The following PDK1 variants were observed in gnomAD, a reference collection of about 807,000 sequenced individuals.
The protein encoded by PDK1 is [Pyruvate dehydrogenase (acetyl-transferring)] kinase isozyme 1, mitochondrial.
Under a neutral mutation model 54.2 loss-of-function variants are expected in PDK1, and 39 were observed. That is an observed-to-expected ratio of 0.72 (90% CI 0.56 to 0.94). The LOEUF (loss-of-function observed/expected upper bound fraction) is 0.94, where lower values mean the gene tolerates loss of function less well. Ranked by LOEUF, PDK1 falls within the 40% of genes least tolerant of loss-of-function variation. The pLI, the probability that PDK1 is intolerant of heterozygous loss-of-function variation, is 0.00. For missense variants in PDK1, 552 were observed against 566.0 expected (o/e 0.98, Z 0.25); for synonymous variants, 221 against 207.1 (o/e 1.07, Z -0.58).
the PDK1 span, among the ~76,000 whole-genome samples, chr2:172,705,336 G>A: frequency 6.6e-6 from 1 of 152,180 alleles, no homozygotes; most frequent in African/African-American, 2.4e-5. Flanking sequence ...CTTACAGAAT[G>A]ATTCCTATAG....
the PDK1 span, among the ~76,000 whole-genome samples, chr2:172,628,816 A>G: frequency 8.5e-5 from 13 of 152,244 alleles, no homozygotes; most frequent in African/African-American, 2.4e-4. Flanking sequence ...CATTGCCTCT[A>G]AATCTCTACT....
chr2:172,565,977 C>T lies in PDK1; in HGVS notation c.692-879C>T, dbSNP rs978721389. On this transcript the variant is annotated intron_variant, in intron 5 of 10. Transcript: ENST00000282077. ...GTACTGCTGTGAACATCCTTAAATA[C>T]ACGCTCACTTTTGCTAGTATTTTAG... 3.3e-5 allele frequency among the ~76,000 whole-genome samples: 5 copies of T among 152,168 alleles called. No homozygotes were observed. The South Asian group carries it at 8.3e-4, about 25-fold the overall frequency.
chr2:172,638,258 A>G, the PDK1 span, among the ~76,000 whole-genome samples: 1 of 152,226 alleles, frequency 6.6e-6, no homozygotes, highest in Non-Finnish European at 1.5e-5. Flanking sequence ...TCATGAATGA[A>G]GTGTCTTAGG....
chr2:172,558,675 A>C (rs1688489648), intron 1 of PDK1, 33 bp from the exon 2 acceptor site: 2 of 1,555,354 alleles, frequency 1.3e-6, no homozygotes, highest in Admixed American at 2.2e-5. Context: ...TATGGCTTTT[A>C]CTTACTGCTT....
At chr2:172,561,831 C>T (rs965591891) in intron 2 of PDK1, among the ~76,000 whole-genome samples, 2 of 152,088 alleles carry the variant, frequency 1.3e-5, no homozygotes, top group Admixed American at 1.3e-4. Context: ...GGCTGTCCTC[C>T]TTTTACTGAT....
At chr2:172,641,921 C>T in the PDK1 span, among the ~76,000 whole-genome samples, 6 of 151,966 alleles carry the variant, frequency 3.9e-5, no homozygotes, top group Non-Finnish European at 7.4e-5. Context: ...GACTGAGAGA[C>T]GGGAGGGCAG....
the PDK1 span, among the ~76,000 whole-genome samples, chr2:172,693,529 C>G: frequency 3.3e-5 from 5 of 152,150 alleles, no homozygotes; most frequent in Admixed American, 6.5e-5. Context: ...TTAGAAGGTA[C>G]CTGGTACCTG....
the PDK1 span, among the ~76,000 whole-genome samples, chr2:172,615,051 C>T: frequency 1.3e-5 from 2 of 152,170 alleles, no homozygotes; most frequent in South Asian, 2.1e-4. Context: ...AGACCCTGCA[C>T]GGAGTTTGCT....
At chr2:172,591,867 A>G (rs1292813030) in intron 9 of PDK1, among the ~76,000 whole-genome samples, 1 of 152,232 alleles carries the variant, frequency 6.6e-6, no homozygotes, top group Non-Finnish European at 1.5e-5. Context: ...TTCTGTAAGT[A>G]CTTTAAGGTT....
chr2:172,576,720 C>T (rs62167835), intron 8 of PDK1, among the ~76,000 whole-genome samples: 41,493 of 151,776 alleles, frequency 0.27, 7,167 homozygotes, highest in African/African-American at 0.5. Context: ...TTGGATTTTT[C>T]CCATTGGTTA....
At chr2:172,670,287 A>G in the PDK1 span, among the ~76,000 whole-genome samples, 1 of 152,224 alleles carries the variant, frequency 6.6e-6, no homozygotes, top group African/African-American at 2.4e-5. Context: ...AAATTTTCAT[A>G]TTCTAGGATC....
chr2:172,576,218 G>A (rs1225899353), intron 8 of PDK1, among the ~76,000 whole-genome samples: 1 of 152,100 alleles, frequency 6.6e-6, no homozygotes, highest in Non-Finnish European at 1.5e-5. Flanking sequence ...GAGCCACCAC[G>A]CCCAGCCTAT....
chr2:172,614,765 A>T, the PDK1 span, among the ~76,000 whole-genome samples: 1 of 152,232 alleles, frequency 6.6e-6, no homozygotes, highest in African/African-American at 2.4e-5. Context: ...ATGGAGGACA[A>T]GAATTCAGGC....
At position 172,598,726 on chromosome 2, in the gene PDK1, G is replaced by T. The variant is rs1290304512; in HGVS notation, c.*2757G>T. ...TTTACGTGAATATGTTGAAGTAGAA[G>T]TCTACCATATTATTTTATAAAATGT... On this transcript the variant is annotated 3_prime_UTR_variant, in exon 11 of 11. Coordinates refer to ENST00000282077, the MANE Select transcript of PDK1 (RefSeq NM_002610.5). 1 of 152,166 alleles carries T rather than the reference G, an allele frequency of 6.6e-6. No homozygotes were observed. Among genetic ancestry groups the T allele is most frequent in the Non-Finnish European group, 1.5e-5 (1 of 68,020 alleles). The allele number at this position is 152,166 out of a possible 1,614,324, so 9.4% of individuals were successfully genotyped here. A position where few individuals can be genotyped will look rare whatever the true frequency, so the allele number is the denominator to read the frequency against.
At chr2:172,673,259 T>G in the PDK1 span, among the ~76,000 whole-genome samples, 1 of 152,054 alleles carries the variant, frequency 6.6e-6, no homozygotes, top group Non-Finnish European at 1.5e-5. Flanking sequence ...ACTTGGGAGG[T>G]GAGCATGTGC....
chr2:172,601,524 C>T lies in PDK1; in HGVS notation c.*5555C>T, dbSNP rs377135760. 2.0e-5 allele frequency: 3 copies of T among 152,190 alleles called. No individual in the cohort carries two copies. The highest frequency in any genetic ancestry group is 1.3e-4 in the Admixed American group (2 of 15,274). The allele number at this position is 152,190 out of a possible 1,614,324, so 9.4% of individuals were successfully genotyped here. On this transcript the variant is annotated 3_prime_UTR_variant, in exon 11 of 11. Transcript: ENST00000282077. ...ATGGTTTTATAAGTATTTGGTAGTT[C>T]CTCCTGCATTCATTCTTCCTGCTGC... is the stretch of plus-strand genomic sequence containing the variant.
At chr2:172,622,844 G>A in the PDK1 span, among the ~76,000 whole-genome samples, 1 of 146,578 alleles carries the variant, frequency 6.8e-6, no homozygotes, top group Non-Finnish European at 1.5e-5. Context: ...TATGATATAT[G>A]TTTATATATT....
intron 9 of PDK1, among the ~76,000 whole-genome samples, chr2:172,587,801 A>G (rs1057109092): frequency 1.3e-5 from 2 of 152,268 alleles, no homozygotes; most frequent in Middle Eastern, 3.4e-3. Context: ...TGTGTTTACA[A>G]ACCTTTAGCT....
chr2:172,610,610 A>AT (rs1414957861), downstream of PDK1, among the ~76,000 whole-genome samples: 1 of 151,902 alleles, frequency 6.6e-6, no homozygotes, highest in African/African-American at 2.4e-5. Flanking sequence ...TCTCTATTTA[A>AT]TTTTTTTCTT....
Sources: gnomAD v4.1 joint callset for allele counts (sites outside exome capture counted in the v4.1 genomes callset) on GRCh38, gnomAD v4.1.1 for gene constraint, MANE v1.5 for transcripts, NCBI Gene and HGNC (gene_info 2026-07-23, HGNC 2026-07-21) for gene names.